ZC3H14: variants seen among roughly 807,000 people sequenced by gnomAD.
ZC3H14 encodes zinc finger CCCH domain-containing protein 14.
Under a neutral mutation model 92.4 loss-of-function variants are expected in ZC3H14, and 31 were observed. The observed-to-expected ratio is 0.34, with a 90% CI of 0.25 to 0.45. ZC3H14 has a LOEUF of 0.45. Among genes scored for constraint, ZC3H14 ranks in the 20% least tolerant of loss-of-function variants. The pLI is 1.00. For synonymous variants in ZC3H14, 321 were observed against 300.9 expected (o/e 1.07, Z -0.69); for missense variants, 781 against 897.3 (o/e 0.87, Z 1.66).
At position 88,625,089 on chromosome 14, in the gene ZC3H14, G is replaced by C. The variant is rs753829051; in HGVS notation, c.*13338G>C. 3.7e-6 allele frequency: 6 copies of C among 1,613,938 alleles called. No homozygotes were observed. The African/African-American group carries it at 4.0e-5, about 11-fold the overall frequency. On this transcript the variant is annotated 3_prime_UTR_variant, in exon 17 of 17. Transcript: ENST00000251038. ...ACAATATGTGATCTTTCCACACACAGACATCACCACTGATGGTACCTGTAA... is the reference window on the plus strand; with the variant it reads ...ACAATATGTGATCTTTCCACACACACACATCACCACTGATGGTACCTGTAA...
intron 8 of ZC3H14, among the ~76,000 whole-genome samples, chr14:88,576,898 C>T (rs1355248111): frequency 3.9e-5 from 6 of 152,116 alleles, no homozygotes; most frequent in Non-Finnish European, 8.8e-5. Flanking sequence ...CCAAGCGATT[C>T]TCCTGCCTCA....
At chr14:88,575,331 G>C (rs545172942) in intron 7 of ZC3H14, among the ~76,000 whole-genome samples, 1 of 152,274 alleles carries the variant, frequency 6.6e-6, no homozygotes, top group South Asian at 2.1e-4. Context: ...GAGGATTGCA[G>C]AGAATATTGA....
chr14:88,596,416 A>G (rs2083827204), intron 9 of ZC3H14, among the ~76,000 whole-genome samples: 2 of 152,172 alleles, frequency 1.3e-5, no homozygotes, highest in Admixed American at 6.5e-5. Context: ...CTGGGCCACA[A>G]GGTGCCTTTT....
In ZC3H14 at chr14:88,618,210, G is replaced by A. The variant is rs1021380874; in HGVS notation, c.*6459G>A. 1.9e-6 allele frequency: 3 copies of A among 1,605,758 alleles called. No individual in the cohort carries two copies. The highest frequency in any genetic ancestry group is 1.7e-5 in the Admixed American group (1 of 59,972). The stretch of plus-strand genomic sequence containing the variant: ...CCTTCAAAGTCAGTTCTTGCCTTGT[G>A]AATATATAAGTATTTACCTAGTCCA... On this transcript the variant is annotated 3_prime_UTR_variant, in exon 17 of 17. Coordinates refer to ENST00000251038, the MANE Select transcript of ZC3H14 (RefSeq NM_024824.5).
chr14:88,616,826 TCAG>T lies in ZC3H14; in HGVS notation c.*5077_*5079del. 6.2e-7 allele frequency: 1 copy of T among 1,613,944 alleles called. No homozygotes were observed. The highest frequency in any genetic ancestry group is 8.5e-7 in the Non-Finnish European group (1 of 1,179,850). ...ATGAGATACACAGGCACAGTTGACA[TCAG>T]CTTTCTCAGCATGTCTGGACCAGAT... On this transcript the variant is annotated 3_prime_UTR_variant, in exon 17 of 17. Coordinates refer to ENST00000251038, the MANE Select transcript of ZC3H14 (RefSeq NM_024824.5).
Position 88,614,702 on chromosome 14 carries a change from A to C in ZC3H14, c.*2951A>C, listed in dbSNP as rs2087320238. On this transcript the variant is annotated 3_prime_UTR_variant, in exon 17 of 17. Transcript: ENST00000251038. ...GCGAATTCCTGAATGATGAGTAGTG[A>C]TCTTTGGCAGCATTTAAAGTGAAAA... 2 of 152,216 alleles carry C rather than the reference A, an allele frequency of 1.3e-5. No individual in the cohort carries two copies. The highest frequency in any genetic ancestry group is 4.8e-5 in the African/African-American group (2 of 41,448). 9.4% of individuals were successfully genotyped at this position (152,216 alleles called of 1,614,324 possible).
chr14:88,569,727 C>G (rs10144475), intron 3 of ZC3H14, among the ~76,000 whole-genome samples: 66,645 of 152,022 alleles, frequency 0.44, 15,718 homozygotes, highest in Middle Eastern at 0.59. Context: ...AAGTTCTTGC[C>G]TTTATACCAA....
rs1033497195 is a variant in ZC3H14, at chr14:88,621,047, A to G, written c.*9296A>G. 15 of 1,517,096 alleles carry G rather than the reference A, an allele frequency of 9.9e-6. No individual in the cohort carries two copies. Among genetic ancestry groups the G allele is most frequent in the Non-Finnish European group, 1.1e-5 (13 of 1,132,820 alleles). The allele number at this position is 1,517,096 out of a possible 1,614,324, so 94.0% of individuals were successfully genotyped here. ...TCTGGCAGTTCTTTAAGTACTAGCAATTTAGAACTTCCAACTTTTCTTTTT... is the reference window on the plus strand; with the variant it reads ...TCTGGCAGTTCTTTAAGTACTAGCAGTTTAGAACTTCCAACTTTTCTTTTT... On this transcript the variant is annotated 3_prime_UTR_variant, in exon 17 of 17. Transcript: ENST00000251038.
chr14:88,622,597 A>G lies in ZC3H14; in HGVS notation c.*10846A>G. 1 of 1,591,298 alleles carries G rather than the reference A, an allele frequency of 6.3e-7. No homozygotes were observed. The highest frequency in any genetic ancestry group is 8.6e-7 in the Non-Finnish European group (1 of 1,168,366). ...GCTGCACTGTATCAGCTCATGGAAC[A>G]TCTTACTTTGCCTCTGCACACAGAA... On this transcript the variant is annotated 3_prime_UTR_variant, in exon 17 of 17. Coordinates refer to ENST00000251038, the MANE Select transcript of ZC3H14 (RefSeq NM_024824.5).
chr14:88,597,094 TTC>T (rs2083938953), intron 10 of ZC3H14, among the ~76,000 whole-genome samples: 1 of 152,206 alleles, frequency 6.6e-6, no homozygotes, highest in African/African-American at 2.4e-5. Context: ...TGACCTGCGT[TTC>T]TGATTTACCC....
In ZC3H14 at chr14:88,618,135, T is replaced by C. The variant is rs780617055; in HGVS notation, c.*6384T>C. On this transcript the variant is annotated 3_prime_UTR_variant, in exon 17 of 17. Transcript: ENST00000251038. ...ACAAAAACTTGAAACTCAATTACTA[T>C]TCCTTATTGGAATGGCTCTAACAGT... is the stretch of plus-strand genomic sequence containing the variant. 1 of 999,512 alleles carries C rather than the reference T, an allele frequency of 1.0e-6. No homozygotes were observed. The highest frequency in any genetic ancestry group is 1.5e-6 in the Non-Finnish European group (1 of 671,138). The allele number at this position is 999,512 out of a possible 1,614,324, so 61.9% of individuals were successfully genotyped here. A position where few individuals can be genotyped will look rare whatever the true frequency, so the allele number is the denominator to read the frequency against.
At chr14:88,577,876 A>C in intron 8 of ZC3H14, 109 bp from the exon 9 acceptor site, 5 of 1,441,074 alleles carry the variant, frequency 3.5e-6, no homozygotes, top group Non-Finnish European at 3.9e-6. Flanking sequence ...GCCTGAACTC[A>C]TATGTCCTAA....
At position 88,580,477 on chromosome 14, in the gene ZC3H14, A is replaced by G. The variant is rs2081771955; in HGVS notation, c.1279+2337A>G. Among the ~76,000 whole-genome samples the G allele has an allele frequency of 4.6e-5, 7 of 152,390 alleles. No individual in the cohort carries two copies. In the South Asian group the frequency reaches 1.4e-3, roughly 32 times the overall value. On this transcript the variant is annotated intron_variant, in intron 9 of 16. Coordinates refer to ENST00000251038, the MANE Select transcript of ZC3H14 (RefSeq NM_024824.5). ...GCAAAACCTTATGGCTACAGAAAACAGCAATTTAAAAATAAATAAAATTAA... is the reference window on the plus strand; with the variant it reads ...GCAAAACCTTATGGCTACAGAAAACGGCAATTTAAAAATAAATAAAATTAA...
intron 4 of ZC3H14, 100 bp from the exon 5 acceptor site, chr14:88,571,930 C>A (rs936509583): frequency 2.0e-6 from 2 of 1,017,808 alleles, no homozygotes; most frequent in Middle Eastern, 3.4e-4. Context: ...CGCCACTGCC[C>A]TCCAGCCTGG....
intron 9 of ZC3H14, among the ~76,000 whole-genome samples, chr14:88,595,997 C>T (rs1742768388): frequency 6.6e-6 from 1 of 152,178 alleles, no homozygotes; most frequent in Non-Finnish European, 1.5e-5. Flanking sequence ...AGGAGCTTAA[C>T]ATCAAATCGA....
Position 88,611,941 on chromosome 14 carries a change from T to G in ZC3H14, c.*190T>G. Reference sequence around the variant, plus strand: ...TAAGTTTATTATGTGGTTTTAACATTGGGTGTTTTTGTTTTGTTTTTACTA... The same window carrying G: ...TAAGTTTATTATGTGGTTTTAACATGGGGTGTTTTTGTTTTGTTTTTACTA... On this transcript the variant is annotated 3_prime_UTR_variant, in exon 17 of 17. Transcript: ENST00000251038. 2.7e-6 allele frequency: 2 copies of G among 740,270 alleles called. No individual in the cohort carries two copies. Among genetic ancestry groups the G allele is most frequent in the East Asian group, 2.8e-5 (1 of 36,322 alleles). 45.9% of individuals were successfully genotyped at this position (740,270 alleles called of 1,614,324 possible).
intron 9 of ZC3H14, among the ~76,000 whole-genome samples, chr14:88,578,482 A>C (rs2139696554): frequency 6.6e-6 from 1 of 152,266 alleles, no homozygotes; most frequent in Admixed American, 6.5e-5. Flanking sequence ...TTATTGTGGA[A>C]ATTTTTAATA....
intron 2 of ZC3H14, among the ~76,000 whole-genome samples, chr14:88,566,946 G>C (rs2079727399): frequency 6.6e-6 from 1 of 151,210 alleles, no homozygotes; most frequent in Non-Finnish European, 1.5e-5. Flanking sequence ...AAAGAGAACT[G>C]GAATGGAGTT....
At chr14:88,588,799 G>T (rs911444424) in intron 9 of ZC3H14, among the ~76,000 whole-genome samples, 4 of 151,962 alleles carry the variant, frequency 2.6e-5, no homozygotes, top group Admixed American at 2.6e-4. Flanking sequence ...TTTCTCTCTT[G>T]ATTTTTGACT....
Sources: allele counts gnomAD v4.1 joint callset (sites outside exome capture counted in the v4.1 genomes callset), GRCh38; gene constraint gnomAD v4.1.1; transcripts MANE v1.5; gene names NCBI Gene and HGNC (gene_info 2026-07-23, HGNC 2026-07-21).